Variants in GRIP1 observed in about 807,000 individuals in gnomAD.
GRIP1 encodes glutamate receptor-interacting protein 1.
GRIP1 carries 45 observed loss-of-function variants against 129.9 expected under a neutral mutation model. The observed-to-expected ratio is 0.35, with a 90% CI of 0.27 to 0.44. The LOEUF (loss-of-function observed/expected upper bound fraction) is 0.44. GRIP1 is among the 20% of genes least tolerant of loss of function. The pLI is 1.00. For synonymous variants in GRIP1, 530 were observed against 520.8 expected (o/e 1.02, Z -0.24); for missense variants, 1,196 against 1,396.8 (o/e 0.86, Z 2.29).
chr12:66,563,999 A>G (rs1470212011), intron 2 of GRIP1: 1 of 154,252 alleles, frequency 6.5e-6, no homozygotes, highest in Non-Finnish European at 1.5e-5. Flanking sequence ...AGTTCATCAT[A>G]AACCCAATAT....
At chr12:66,656,208 T>C (rs2033146039) in intron 1 of GRIP1, among the ~76,000 whole-genome samples, 1 of 152,178 alleles carries the variant, frequency 6.6e-6, no homozygotes, top group South Asian at 2.1e-4. Context: ...TGAACAACTT[T>C]TTCTCTCTCT....
intron 19 of GRIP1, among the ~76,000 whole-genome samples, chr12:66,385,072 C>T (rs563274567): frequency 2.0e-5 from 3 of 151,890 alleles, no homozygotes; most frequent in South Asian, 2.1e-4. Context: ...GCAGCCCAGG[C>T]GTAAGAAAAA....
chr12:67,029,437 A>T (rs1280366617), intron 1 of GRIP1, among the ~76,000 whole-genome samples: 1 of 152,202 alleles, frequency 6.6e-6, no homozygotes, highest in East Asian at 1.9e-4. Context: ...AAACTGGTCA[A>T]GCATGGTGGC....
intron 1 of GRIP1, among the ~76,000 whole-genome samples, chr12:67,061,221 T>C (rs887405321): frequency 1.3e-5 from 2 of 152,242 alleles, no homozygotes; most frequent in African/African-American, 4.8e-5. Flanking sequence ...ATCCAAATAA[T>C]GCCTCCATCC....
At chr12:66,550,242 G>C (rs1240730309) in intron 2 of GRIP1, among the ~76,000 whole-genome samples, 1 of 152,008 alleles carries the variant, frequency 6.6e-6, no homozygotes, top group African/African-American at 2.4e-5. Flanking sequence ...GGATAATAAT[G>C]GTATCTACTT....
At chr12:66,986,388 T>C (rs950423085) in intron 1 of GRIP1, among the ~76,000 whole-genome samples, 13 of 151,698 alleles carry the variant, frequency 8.6e-5, no homozygotes, top group African/African-American at 2.4e-4. Context: ...CGTATGTTTA[T>C]TGAGGCACTA....
At chr12:66,619,893 G>A (rs1383406612) in intron 1 of GRIP1, among the ~76,000 whole-genome samples, 1 of 152,082 alleles carries the variant, frequency 6.6e-6, no homozygotes, top group Non-Finnish European at 1.5e-5. Flanking sequence ...TTGTTAAAGG[G>A]GAAGTAAAAG....
At chr12:66,909,818 T>C (rs939339830) in intron 1 of GRIP1, among the ~76,000 whole-genome samples, 8 of 152,196 alleles carry the variant, frequency 5.3e-5, no homozygotes, top group African/African-American at 1.7e-4. Context: ...TAAAATATCA[T>C]CTTTAGTTAA....
rs529902887 is a variant in GRIP1 at position 66,691,779 on chromosome 12, A to G, written c.-419-61443T>C. Among the ~76,000 whole-genome samples, 4 of 152,208 alleles carry G rather than the reference A, an allele frequency of 2.6e-5. No individual in the cohort carries two copies. In the South Asian group the frequency reaches 8.3e-4, roughly 32 times the overall value. ...GTCCTTCCATAGATTCTCTCTCTTA[A>G]CTTGTTTGCGTAGGGAAATGCAGGC... On this transcript the variant is annotated intron_variant, in intron 1 of 4. Transcript: ENST00000538373.
At chr12:66,609,527 G>A (rs978909868) in intron 1 of GRIP1, among the ~76,000 whole-genome samples, 6 of 152,142 alleles carry the variant, frequency 3.9e-5, no homozygotes, top group African/African-American at 1.4e-4. Flanking sequence ...ATAGTCCAAA[G>A]ATGACCAAAT....
chr12:66,539,368 A>T, intron 3 of GRIP1, 145 bp from the exon 4 acceptor site: 9 of 1,010,652 alleles, frequency 8.9e-6, no homozygotes, highest in Non-Finnish European at 1.4e-5. Flanking sequence ...CTCCTAGGAG[A>T]CGGTGGGCCC....
intron 1 of GRIP1, among the ~76,000 whole-genome samples, chr12:66,888,102 G>C (rs1261235357): frequency 6.6e-6 from 1 of 152,026 alleles, no homozygotes; most frequent in Non-Finnish European, 1.5e-5. Context: ...CTGTTGCCCA[G>C]GCTGGAGTGC....
chr12:66,821,866 T>C (rs1424119958), intron 1 of GRIP1, among the ~76,000 whole-genome samples: 1 of 152,156 alleles, frequency 6.6e-6, no homozygotes, highest in Non-Finnish European at 1.5e-5. Flanking sequence ...CCTACTGCGA[T>C]CAAGTCATAT....
chr12:66,371,608 C>A, intron 23 of GRIP1, 86 bp downstream of exon 23: 1 of 854,634 alleles, frequency 1.2e-6, no homozygotes, highest in South Asian at 1.3e-5. Flanking sequence ...AGGAGGATAC[C>A]ATTGCCATGC....
chr12:66,896,434 A>T (rs1431652668), intron 1 of GRIP1, among the ~76,000 whole-genome samples: 2 of 149,326 alleles, frequency 1.3e-5, no homozygotes, highest in African/African-American at 4.9e-5. Context: ...TGGGAACTGA[A>T]AGTCAAAGTC....
chr12:66,570,279 G>C (rs1428916918), intron 2 of GRIP1, among the ~76,000 whole-genome samples: 1 of 152,020 alleles, frequency 6.6e-6, no homozygotes, highest in African/African-American at 2.4e-5. Context: ...CACCATGCCT[G>C]GCTAATTTTT....
At chr12:66,662,671 T>C (rs1273442069) in intron 1 of GRIP1, among the ~76,000 whole-genome samples, 1 of 152,164 alleles carries the variant, frequency 6.6e-6, no homozygotes, top group East Asian at 1.9e-4. Context: ...TACCTAAATG[T>C]TGAAAAAGAT....
chr12:66,548,618 A>G (rs2062022269), intron 2 of GRIP1, among the ~76,000 whole-genome samples: 1 of 152,186 alleles, frequency 6.6e-6, no homozygotes, highest in Non-Finnish European at 1.5e-5. Flanking sequence ...TGGACACCAG[A>G]CATATTAATG....
chr12:66,377,336 T>A (rs2055840776), intron 20 of GRIP1, 51 bp from the exon 21 acceptor site: 4 of 1,251,638 alleles, frequency 3.2e-6, no homozygotes, highest in Non-Finnish European at 4.7e-6. Context: ...ACATTTTTTT[T>A]TTTTTTTTTG....
Sources: gnomAD v4.1 joint callset for allele counts (sites outside exome capture counted in the v4.1 genomes callset) on GRCh38, gnomAD v4.1.1 for gene constraint, MANE v1.5 for transcripts, NCBI Gene and HGNC (gene_info 2026-07-23, HGNC 2026-07-21) for gene names.